ABHD12: variants seen among roughly 807,000 people sequenced by gnomAD.
The protein encoded by ABHD12 is abhydrolase domain containing 12, lysophospholipase, also known as lysophosphatidylserine lipase ABHD12.
ABHD12 carries 43 observed loss-of-function variants against 58.3 expected under a neutral mutation model. The observed-to-expected ratio is 0.74, with a 90% CI of 0.58 to 0.95. The LOEUF (loss-of-function observed/expected upper bound fraction) is 0.95. ABHD12 is among the 40% of genes least tolerant of loss of function. The pLI, the probability that ABHD12 is intolerant of heterozygous loss-of-function variation, is 0.00. For synonymous variants in ABHD12, 219 were observed against 211.2 expected (o/e 1.04, Z -0.32); for missense variants, 539 against 537.2 (o/e 1.00, Z -0.03).
chr20:25,296,483 C>T (rs141315124), downstream of ABHD12: 3,410 of 1,613,806 alleles, frequency 2.1e-3, 8 homozygotes, highest in Non-Finnish European at 2.7e-3. Flanking sequence ...TGGAGCCCTC[C>T]GACCTGCAGA....
chr20:25,307,562 C>T (rs2088768044), intron 9 of ABHD12, among the ~76,000 whole-genome samples: 1 of 152,258 alleles, frequency 6.6e-6, no homozygotes, highest in Non-Finnish European at 1.5e-5. Flanking sequence ...TCACCTGGGC[C>T]TTTCCCCAAG....
chr20:25,303,189 A>G (rs979749271), intron 11 of ABHD12: 60 of 1,178,202 alleles, frequency 5.1e-5, no homozygotes, highest in Non-Finnish European at 5.9e-5. Flanking sequence ...TTCAGCCCAT[A>G]ACTGATGAGC....
intron 11 of ABHD12, among the ~76,000 whole-genome samples, 194 bp from the exon 12 acceptor site, chr20:25,302,540 T>C (rs2088657115): frequency 6.6e-6 from 1 of 152,134 alleles, no homozygotes; most frequent in Non-Finnish European, 1.5e-5. Flanking sequence ...GCTTGGCTCC[T>C]GGGCACACAC....
intron 1 of ABHD12, among the ~76,000 whole-genome samples, chr20:25,374,269 T>C (rs1305577497): frequency 1.3e-5 from 2 of 151,560 alleles, no homozygotes; most frequent in African/African-American, 4.8e-5. Context: ...CTAGTAATGA[T>C]GCTTTTGAAA....
intron 1 of ABHD12, among the ~76,000 whole-genome samples, chr20:25,346,986 A>T (rs2089528240): frequency 6.6e-6 from 1 of 152,146 alleles, no homozygotes; most frequent in Admixed American, 6.6e-5. Flanking sequence ...ATAAAATGTT[A>T]CTCATAGCTG....
At chr20:25,301,843 A>G (rs1170315620) in intron 12 of ABHD12, among the ~76,000 whole-genome samples, 6 of 152,242 alleles carry the variant, frequency 3.9e-5, no homozygotes, top group African/African-American at 1.4e-4. Flanking sequence ...GCTGGGGACA[A>G]AGAGGCTTTT....
intron 1 of ABHD12, among the ~76,000 whole-genome samples, chr20:25,358,548 C>T (rs2089698844): frequency 6.6e-6 from 1 of 152,190 alleles, no homozygotes. Flanking sequence ...TGCTTCTGTA[C>T]AAGCAAACTA....
chr20:25,381,003 C>T (rs1022160622), intron 1 of ABHD12, among the ~76,000 whole-genome samples: 2 of 152,206 alleles, frequency 1.3e-5, no homozygotes, highest in Admixed American at 6.5e-5. Context: ...TCCAGAATCA[C>T]ATGCCTCTTC....
intron 2 of ABHD12, among the ~76,000 whole-genome samples, chr20:25,324,486 C>G (rs2089139280): frequency 6.6e-6 from 1 of 152,182 alleles, no homozygotes; most frequent in Non-Finnish European, 1.5e-5. Context: ...GATTTGCCTG[C>G]TTTATAAAAT....
intron 10 of ABHD12, among the ~76,000 whole-genome samples, chr20:25,304,164 G>A (rs2088692171): frequency 6.6e-6 from 1 of 152,266 alleles, no homozygotes; most frequent in South Asian, 2.1e-4. Context: ...CCTCACTGAG[G>A]TGGTGCCTGA....
intron 9 of ABHD12, 29 bp downstream of exon 9, chr20:25,307,937 A>C: frequency 3.2e-6 from 4 of 1,257,292 alleles, no homozygotes; most frequent in Non-Finnish European, 4.6e-6. Flanking sequence ...AATAATGAAA[A>C]GTTAATTTTT....
At chr20:25,315,042 T>C (rs2088934565) in intron 5 of ABHD12, 72 bp from the exon 6 acceptor site, 1 of 1,501,560 alleles carries the variant, frequency 6.7e-7, no homozygotes, top group African/African-American at 1.4e-5. Context: ...TGCCGCTTAC[T>C]AAACTCATCC....
chr20:25,390,620 C>T lies in ABHD12; in HGVS notation c.84G>A (p.Ala28=). 1 of 1,461,076 alleles carries T rather than the reference C, an allele frequency of 6.8e-7. No homozygotes were observed. The highest frequency in any genetic ancestry group is 9.0e-7 in the Non-Finnish European group (1 of 1,111,954). 90.5% of individuals were successfully genotyped at this position (1,461,076 alleles called of 1,614,324 possible). A position where few individuals can be genotyped will look rare whatever the true frequency, so the allele number is the denominator to read the frequency against. Residue 28 remains alanine, a synonymous_variant, in exon 1 of 13, where the codon GCG becomes GCA. Coordinates refer to ENST00000339157, the MANE Select transcript of ABHD12 (RefSeq NM_001042472.3). ...AGSSSSGSAA[A]ALDADCRLKQ... is the part of the protein sequence containing the mutation. ...TCAGGCGGCAGTCGGCGTCCAGCGC[C>T]GCGGCGGCCGAGCCGGAGGAGGACG...
intron 5 of ABHD12, among the ~76,000 whole-genome samples, chr20:25,316,049 C>T (rs1413590262): frequency 1.3e-5 from 2 of 152,256 alleles, no homozygotes; most frequent in African/African-American, 4.8e-5. Flanking sequence ...GACCTGCAGG[C>T]GCTCCCACTG....
intron 1 of ABHD12, among the ~76,000 whole-genome samples, chr20:25,386,095 C>T (rs1323703203): frequency 6.6e-5 from 10 of 150,486 alleles, no homozygotes; most frequent in African/African-American, 2.4e-4. Flanking sequence ...AGCGAGACTC[C>T]GTCTCAAAAA....
At chr20:25,339,747 G>A in intron 1 of ABHD12, 1 of 1,326,658 alleles carries the variant, frequency 7.5e-7, no homozygotes, top group Non-Finnish European at 1.0e-6. Flanking sequence ...TCTTCTGTGA[G>A]ACAACTGCAG....
intron 1 of ABHD12, among the ~76,000 whole-genome samples, chr20:25,359,583 A>G (rs1444296332): frequency 8.6e-5 from 13 of 151,976 alleles, no homozygotes; most frequent in Admixed American, 8.5e-4. Context: ...AGGTGGGGGT[A>G]AGCAGGGAAA....
At chr20:25,365,512 T>C (rs2089807927) in intron 1 of ABHD12, among the ~76,000 whole-genome samples, 1 of 152,182 alleles carries the variant, frequency 6.6e-6, no homozygotes, top group Admixed American at 6.5e-5. Flanking sequence ...AATCAGGTGG[T>C]TTCCAGCAAT....
downstream of ABHD12, chr20:25,296,614 G>A (rs1294156345): frequency 1.8e-5 from 27 of 1,466,352 alleles, no homozygotes; most frequent in Non-Finnish European, 2.3e-5. Flanking sequence ...AGCCACTGGT[G>A]GTCCCTGCTT....
Sources: allele counts gnomAD v4.1 joint callset (sites outside exome capture counted in the v4.1 genomes callset), GRCh38; gene constraint gnomAD v4.1.1; transcripts MANE v1.5; gene names NCBI Gene and HGNC (gene_info 2026-07-23, HGNC 2026-07-21).